The following ELOVL7 variants were observed in gnomAD, a reference collection of about 807,000 sequenced individuals.
ELOVL7 encodes ELOVL fatty acid elongase 7, also known as very long chain fatty acid elongase 7.
Under a neutral mutation model 35.7 loss-of-function variants are expected in ELOVL7, and 27 were observed. The ratio of observed to expected loss-of-function variants is 0.76; its 90% CI spans 0.56 to 1.04. The LOEUF (loss-of-function observed/expected upper bound fraction) is 1.04, where lower values mean the gene tolerates loss of function less well. ELOVL7 is among the 50% of genes least tolerant of loss of function. ELOVL7 has a pLI of 0.00. For synonymous variants in ELOVL7, 113 were observed against 114.6 expected (o/e 0.99, Z 0.09); for missense variants, 327 against 340.8 (o/e 0.96, Z 0.32).
rs563836827 is a variant in ELOVL7, at chr5:60,781,390, T to G, written c.64+5944A>C. Among the ~76,000 whole-genome samples, 6 of 152,240 alleles carry G rather than the reference T, an allele frequency of 3.9e-5. No individual in the cohort carries two copies. The South Asian group carries it at 1.2e-3, about 32-fold the overall frequency. Reference sequence around the variant, plus strand: ...TCACACATATGGTTAGAAACGAGCTTAAATGTCAGTAAAAGAATTGCTGAA... The same window carrying G: ...TCACACATATGGTTAGAAACGAGCTGAAATGTCAGTAAAAGAATTGCTGAA... On this transcript the variant is annotated intron_variant, in intron 3 of 8. Transcript: ENST00000508821.
chr5:60,816,025 C>A (rs147030037), intron 1 of ELOVL7, among the ~76,000 whole-genome samples: 1 of 152,236 alleles, frequency 6.6e-6, no homozygotes, highest in East Asian at 1.9e-4. Flanking sequence ...GATATCGGAA[C>A]AACTTTAATC....
Position 60,752,975 on chromosome 5 carries a change from T to A in ELOVL7, c.*1649A>T, listed in dbSNP as rs376624477. On this transcript the variant is annotated 3_prime_UTR_variant, in exon 9 of 9. Coordinates refer to ENST00000508821, the MANE Select transcript of ELOVL7 (RefSeq NM_024930.3). ...AAAAATAATAAATTATATATATATA[T>A]GTAATTACTCCCATTTATCAACCTT... 2.6e-5 allele frequency: 4 copies of A among 151,998 alleles called. No homozygotes were observed. The highest frequency in any genetic ancestry group is 1.9e-4 in the East Asian group (1 of 5,186). The allele number at this position is 151,998 out of a possible 1,614,324, so 9.4% of individuals were successfully genotyped here.
chr5:60,834,286 T>C (rs1042730087), intron 1 of ELOVL7, among the ~76,000 whole-genome samples: 13 of 151,862 alleles, frequency 8.6e-5, no homozygotes, highest in African/African-American at 2.9e-4. Context: ...GGATTACAGG[T>C]GCCCGCCACC....
intron 1 of ELOVL7, among the ~76,000 whole-genome samples, chr5:60,817,888 CAGG>C (rs1745626572): frequency 6.7e-6 from 1 of 149,598 alleles, no homozygotes; most frequent in Admixed American, 6.7e-5. Flanking sequence ...AAGATACACA[CAGG>C]AGATTTTTTT....
chr5:60,820,938 G>A (rs1244347790), intron 1 of ELOVL7, among the ~76,000 whole-genome samples: 1 of 152,086 alleles, frequency 6.6e-6, no homozygotes, highest in Non-Finnish European at 1.5e-5. Flanking sequence ...TCTGTCTTGT[G>A]TTGATGTTCT....
In ELOVL7 at chr5:60,812,388, T is replaced by C. The variant is rs74441504; in HGVS notation, c.-85-13158A>G. ...TATATTTAATTTTCATCAGAAAATG[T>C]GTTGGAATAGAAAAAAATTTAACTG... On this transcript the variant is annotated intron_variant, in intron 1 of 8. Coordinates refer to ENST00000508821, the MANE Select transcript of ELOVL7 (RefSeq NM_024930.3). Among the ~76,000 whole-genome samples the C allele has an allele frequency of 8.2e-3, 1,241 of 152,180 alleles. 71 individuals carry two copies. The East Asian group carries it at 0.13, about 16-fold the overall frequency.
rs1429068989 is a variant in ELOVL7 at position 60,754,110 on chromosome 5, G to C, written c.*514C>G. On this transcript the variant is annotated 3_prime_UTR_variant, in exon 9 of 9. Coordinates refer to ENST00000508821, the MANE Select transcript of ELOVL7 (RefSeq NM_024930.3). ...TCAAAAACTCACTCAATTTTCACCTGTGCTAGCTTGCTAAAATGGGAGTTA... is the reference window on the plus strand; with the variant it reads ...TCAAAAACTCACTCAATTTTCACCTCTGCTAGCTTGCTAAAATGGGAGTTA... The C allele has an allele frequency of 6.5e-6, 1 of 153,478 alleles. No individual in the cohort carries two copies. The allele number at this position is 153,478 out of a possible 1,614,324, so 9.5% of individuals were successfully genotyped here.
intron 3 of ELOVL7, among the ~76,000 whole-genome samples, chr5:60,773,117 C>T (rs1179601707): frequency 6.6e-6 from 1 of 152,156 alleles, no homozygotes; most frequent in East Asian, 1.9e-4. Context: ...TAAAAAATTA[C>T]AACTCAGGAT....
At chr5:60,781,502 C>T (rs1743253064) in intron 3 of ELOVL7, among the ~76,000 whole-genome samples, 1 of 152,028 alleles carries the variant, frequency 6.6e-6, no homozygotes, top group Non-Finnish European at 1.5e-5. Flanking sequence ...CCTCTGGTAG[C>T]AGTAGAAAGA....
chr5:60,816,448 T>C (rs568322966), intron 1 of ELOVL7, among the ~76,000 whole-genome samples: 37 of 151,766 alleles, frequency 2.4e-4, no homozygotes, highest in Non-Finnish European at 4.6e-4. Flanking sequence ...TCTAAAGACT[T>C]TACCTGAATA....
chr5:60,808,139 T>C (rs1745050922), intron 1 of ELOVL7, among the ~76,000 whole-genome samples: 1 of 148,404 alleles, frequency 6.7e-6, no homozygotes, highest in Non-Finnish European at 1.5e-5. Context: ...AACCAAACAG[T>C]GATTTCTAGG....
At chr5:60,803,804 G>A (rs1043273904) in intron 1 of ELOVL7, among the ~76,000 whole-genome samples, 4 of 152,178 alleles carry the variant, frequency 2.6e-5, no homozygotes, top group African/African-American at 9.7e-5. Context: ...ACTCAGGTCT[G>A]TCTTTCAATC....
At chr5:60,790,239 C>G (rs1449470697) in intron 2 of ELOVL7, among the ~76,000 whole-genome samples, 1 of 152,014 alleles carries the variant, frequency 6.6e-6, no homozygotes, top group Non-Finnish European at 1.5e-5. Flanking sequence ...TTTACATTTA[C>G]TCATAGTTGT....
intron 1 of ELOVL7, among the ~76,000 whole-genome samples, chr5:60,817,781 T>A (rs1304900263): frequency 1.4e-5 from 2 of 145,512 alleles, no homozygotes; most frequent in Non-Finnish European, 3.0e-5. Context: ...ACACACACCA[T>A]ATATATACCA....
At chr5:60,755,656 C>CAAAAAAAAAAAAAAAA in intron 8 of ELOVL7, among the ~76,000 whole-genome samples, 1 of 144,188 alleles carries the variant, frequency 6.9e-6, no homozygotes, top group Non-Finnish European at 1.5e-5. Context: ...GATTCCATCT[C>CAAAAAAAAAAAAAAAA]AAAAAAAAAA....
intron 4 of ELOVL7, 52 bp from the exon 5 acceptor site, chr5:60,767,955 A>AC: frequency 7.0e-7 from 1 of 1,426,120 alleles, no homozygotes. Flanking sequence ...CCCAACAGCC[A>AC]CAACAAAGGT....
intron 1 of ELOVL7, among the ~76,000 whole-genome samples, chr5:60,818,007 C>T (rs1200110541): frequency 1.3e-5 from 2 of 151,298 alleles, no homozygotes; most frequent in African/African-American, 4.9e-5. Context: ...GAATGCTATG[C>T]CTTAAAAAAA....
intron 1 of ELOVL7, among the ~76,000 whole-genome samples, chr5:60,834,453 T>C (rs1746669595): frequency 1.3e-5 from 2 of 152,316 alleles, no homozygotes; most frequent in South Asian, 4.1e-4. Flanking sequence ...CCGGTTCACA[T>C]TATTAAAATA....
chr5:60,826,202 C>T (rs1043237989), intron 1 of ELOVL7, among the ~76,000 whole-genome samples: 1 of 152,154 alleles, frequency 6.6e-6, no homozygotes, highest in African/African-American at 2.4e-5. Flanking sequence ...AAGTAACCAA[C>T]AGTAAGATCA....
Sources: gnomAD v4.1 joint callset for allele counts (sites outside exome capture counted in the v4.1 genomes callset) on GRCh38, gnomAD v4.1.1 for gene constraint, MANE v1.5 for transcripts, NCBI Gene and HGNC (gene_info 2026-07-23, HGNC 2026-07-21) for gene names.